Variants in MAML3 observed in about 807,000 individuals in gnomAD.
MAML3 encodes the protein mastermind-like protein 3.
Under a neutral mutation model 101.9 loss-of-function variants are expected in MAML3, and 27 were observed. The observed-to-expected ratio is 0.27, with a 90% confidence interval of 0.20 to 0.37. The LOEUF is 0.37. Among genes scored for constraint, MAML3 ranks in the 10% least tolerant of loss-of-function variants. MAML3 has a pLI of 1.00. For synonymous variants in MAML3, 501 were observed against 555.9 expected, an observed-to-expected ratio of 0.90 and a Z score of 1.39; for missense variants, 1,316 against 1,444.9, an observed-to-expected ratio of 0.91 and a Z score of 1.45.
At chr4:140,003,966 G>A (rs748892961) in intron 1 of MAML3, among the ~76,000 whole-genome samples, 2 of 152,130 alleles carry the variant, frequency 1.3e-5, no homozygotes, top group Admixed American at 6.6e-5. Context: ...CCTGCTCTCC[G>A]CACAAGCAAG....
chr4:140,075,938 T>C (rs1401464338), intron 1 of MAML3, among the ~76,000 whole-genome samples: 9 of 152,116 alleles, frequency 5.9e-5, no homozygotes, highest in Admixed American at 3.9e-4. Context: ...TTTTTTGTCT[T>C]TTTAGTAGAG....
intron 2 of MAML3, among the ~76,000 whole-genome samples, chr4:139,840,426 C>A (rs17050925): frequency 0.042 from 6,379 of 152,146 alleles, 429 homozygotes; most frequent in African/African-American, 0.14. Flanking sequence ...TCTTACTTCA[C>A]ATGATGGGCT....
intron 1 of MAML3, among the ~76,000 whole-genome samples, chr4:139,944,113 A>G (rs6830759): frequency 0.42 from 63,834 of 151,400 alleles, 14,959 homozygotes; most frequent in African/African-American, 0.63. Flanking sequence ...CTAGTGATCC[A>G]CCTGCCTCGG....
chr4:140,056,582 G>A (rs1411648885), intron 1 of MAML3, among the ~76,000 whole-genome samples: 1 of 151,814 alleles, frequency 6.6e-6, no homozygotes, highest in Non-Finnish European at 1.5e-5. Flanking sequence ...TGAGACGGGC[G>A]GATCACCTGA....
intron 2 of MAML3, among the ~76,000 whole-genome samples, chr4:139,820,474 G>T (rs1282813342): frequency 6.6e-6 from 1 of 152,132 alleles, no homozygotes; most frequent in East Asian, 1.9e-4. Flanking sequence ...CTTTAAGAAA[G>T]ATTAGTTATG....
At chr4:140,021,935 T>A (rs571453509) in intron 1 of MAML3, among the ~76,000 whole-genome samples, 26 of 152,292 alleles carry the variant, frequency 1.7e-4, no homozygotes, top group African/African-American at 6.0e-4. Context: ...TGGATACCAT[T>A]ATTATCCCCA....
chr4:139,961,654 C>A (rs1001262426), intron 1 of MAML3, among the ~76,000 whole-genome samples: 1 of 152,158 alleles, frequency 6.6e-6, no homozygotes, highest in African/African-American at 2.4e-5. Context: ...GCTGTTTTCA[C>A]GTGTGACTTC....
intron 2 of MAML3, among the ~76,000 whole-genome samples, chr4:139,880,540 T>C (rs1732198084): frequency 6.6e-6 from 1 of 152,138 alleles, no homozygotes; most frequent in African/African-American, 2.4e-5. Context: ...TTGAAGTAAG[T>C]CAGTATTTCA....
chr4:139,780,623 C>CTTTTTTTTT (rs35929438), intron 2 of MAML3, among the ~76,000 whole-genome samples: 5 of 136,942 alleles, frequency 3.7e-5, no homozygotes, highest in South Asian at 2.3e-4. Flanking sequence ...TCTTTCTTTT[C>CTTTTTTTTT]TTTTTTTTTT....
chr4:139,909,098 C>T (rs924975770), intron 1 of MAML3, among the ~76,000 whole-genome samples: 19 of 152,176 alleles, frequency 1.2e-4, no homozygotes, highest in African/African-American at 4.6e-4. Context: ...CTCCTGCACT[C>T]GAACTGGAGT....
intron 1 of MAML3, among the ~76,000 whole-genome samples, chr4:140,043,060 CA>C (rs768100754): frequency 2.0e-5 from 3 of 152,174 alleles, no homozygotes; most frequent in Non-Finnish European, 2.9e-5. Context: ...GGTCTACCTA[CA>C]GGGAAAAAAA....
intron 2 of MAML3, among the ~76,000 whole-genome samples, chr4:139,795,408 C>T (rs1252940646): frequency 3.3e-5 from 5 of 152,072 alleles, no homozygotes; most frequent in Non-Finnish European, 4.4e-5. Flanking sequence ...ATATTATACA[C>T]GAAACGTTTC....
intron 1 of MAML3, among the ~76,000 whole-genome samples, chr4:140,023,968 C>G (rs74830982): frequency 0.036 from 5,407 of 152,274 alleles, 222 homozygotes; most frequent in South Asian, 0.19. Context: ...TTGAAACTGA[C>G]TTTTTACTTT....
At chr4:139,868,247 G>C (rs893002004) in intron 2 of MAML3, among the ~76,000 whole-genome samples, 1 of 152,148 alleles carries the variant, frequency 6.6e-6, no homozygotes, top group Non-Finnish European at 1.5e-5. Context: ...AACACTCCCT[G>C]TTCAATCTGC....
chr4:140,128,576 T>C (rs139976475), intron 1 of MAML3, among the ~76,000 whole-genome samples: 76 of 152,246 alleles, frequency 5.0e-4, no homozygotes, highest in African/African-American at 1.7e-3. Context: ...CACCAAGGAC[T>C]TGGAGCTCTT....
chr4:139,814,203 A>G (rs975957621), intron 2 of MAML3, among the ~76,000 whole-genome samples: 3 of 152,204 alleles, frequency 2.0e-5, no homozygotes, highest in Non-Finnish European at 2.9e-5. Flanking sequence ...AAAACATAAT[A>G]ATCAAGAGAT....
intron 1 of MAML3, among the ~76,000 whole-genome samples, chr4:140,122,635 A>G (rs1728624432): frequency 6.6e-6 from 1 of 151,800 alleles, no homozygotes; most frequent in Admixed American, 6.6e-5. Flanking sequence ...TACTAAAAAT[A>G]CAAAAAATTA....
At chr4:139,755,825 C>T (rs749229600) in intron 2 of MAML3, among the ~76,000 whole-genome samples, 2 of 152,022 alleles carry the variant, frequency 1.3e-5, no homozygotes, top group South Asian at 2.1e-4. Context: ...GGCAATGGAT[C>T]AAGATATGGC....
At chr4:139,997,033 G>A (rs192431609) in intron 1 of MAML3, among the ~76,000 whole-genome samples, 42 of 151,414 alleles carry the variant, frequency 2.8e-4, no homozygotes, top group African/African-American at 9.7e-4. Flanking sequence ...CTCCAGTCTG[G>A]TGACAGAGCA....
Sources: allele counts gnomAD v4.1 joint callset (sites outside exome capture counted in the v4.1 genomes callset), GRCh38; gene constraint gnomAD v4.1.1; transcripts MANE v1.5; gene names NCBI Gene and HGNC (gene_info 2026-07-23, HGNC 2026-07-21).